Variants in RAB33A observed in about 807,000 individuals in gnomAD.
RAB33A encodes ras-related protein Rab-33A.
A neutral mutation model predicts 12.0 loss-of-function variants in RAB33A; 6 were observed. The observed-to-expected ratio is 0.50, with a 90% CI of 0.27 to 0.99. The LOEUF (loss-of-function observed/expected upper bound fraction) is 0.99. Ranked by LOEUF, RAB33A falls within the 50% of genes least tolerant of loss-of-function variation. The pLI, the probability that RAB33A is intolerant of heterozygous loss-of-function variation, is 0.11. For synonymous variants in RAB33A, 70 were observed against 82.4 expected, an observed-to-expected ratio of 0.85 and a Z score of 0.81; for missense variants, 109 against 192.0, an observed-to-expected ratio of 0.57 and a Z score of 2.55.
chrX:130,163,023 G>A, the RAB33A span, among the ~76,000 whole-genome samples: 7 of 111,703 alleles, frequency 6.3e-5, no homozygotes, highest in Non-Finnish European at 9.4e-5. Flanking sequence ...AATGGTGACA[G>A]ATGTCAACGA....
chrX:130,114,154 C>G, the RAB33A span, among the ~76,000 whole-genome samples: 3 of 111,963 alleles, frequency 2.7e-5, no homozygotes, highest in Non-Finnish European at 5.6e-5. Context: ...GAGAGGTTTT[C>G]CTTTTGGGAA....
the RAB33A span, among the ~76,000 whole-genome samples, chrX:130,159,870 GAGTGCAGT>G: frequency 9.2e-6 from 1 of 108,298 alleles, no homozygotes; most frequent in Non-Finnish European, 1.9e-5. Flanking sequence ...CCCCAAGCTG[GAGTGCAGT>G]GGCACAATCT....
chrX:130,183,503 C>T (rs112577751), intron 1 of RAB33A, among the ~76,000 whole-genome samples: 2 of 109,126 alleles, frequency 1.8e-5, no homozygotes, highest in South Asian at 4.0e-4. Flanking sequence ...TGCAGTGAGC[C>T]GAGATGGCGC....
the RAB33A span, among the ~76,000 whole-genome samples, chrX:130,148,801 C>T: frequency 1.1e-5 from 1 of 89,275 alleles, no homozygotes; most frequent in Non-Finnish European, 2.1e-5. Context: ...CCACTGCACT[C>T]CAGCCTGGGC....
the RAB33A span, among the ~76,000 whole-genome samples, chrX:130,155,794 C>T: frequency 9.0e-6 from 1 of 111,724 alleles, no homozygotes. Context: ...GTAAACCCTG[C>T]CAAGTTAGGA....
At chrX:130,148,450 G>C in the RAB33A span, among the ~76,000 whole-genome samples, 119 of 111,934 alleles carry the variant, frequency 1.1e-3, 4 homozygotes, top group East Asian at 0.02. Context: ...TAGGGTATGT[G>C]CTTTAGGAAA....
At chrX:130,148,598 C>T in the RAB33A span, among the ~76,000 whole-genome samples, 7 of 110,700 alleles carry the variant, frequency 6.3e-5, no homozygotes, top group East Asian at 2.0e-3. Flanking sequence ...CTTTGGGAGG[C>T]CGAAGCAGGC....
chrX:130,171,053 G>A (rs2031599493), upstream of RAB33A, among the ~76,000 whole-genome samples: 1 of 113,239 alleles, frequency 8.8e-6, no homozygotes, highest in East Asian at 2.8e-4. Context: ...AACATTCAGA[G>A]GATGGGTGCG....
chrX:130,165,933 C>A, the RAB33A span: 4 of 389,853 alleles, frequency 1.0e-5, no homozygotes, highest in African/African-American at 2.5e-5. Context: ...CACTAGCTGG[C>A]CGCAAGCTCG....
the RAB33A span, among the ~76,000 whole-genome samples, chrX:130,123,045 A>C: frequency 8.9e-6 from 1 of 111,949 alleles, no homozygotes. Flanking sequence ...CAGCAGAGGC[A>C]TGGGGAGATG....
chrX:130,140,424 A>G, the RAB33A span: 12 of 649,355 alleles, frequency 1.8e-5, no homozygotes, highest in Middle Eastern at 3.0e-4. Context: ...CACTTCAGAG[A>G]GTCTGGGTTT....
the RAB33A span, among the ~76,000 whole-genome samples, chrX:130,151,486 G>C: frequency 2.4e-4 from 27 of 111,562 alleles, no homozygotes; most frequent in Admixed American, 2.3e-3. Flanking sequence ...TTCCAGAACA[G>C]CCCATCAGGC....
chrX:130,132,997 G>A, the RAB33A span, among the ~76,000 whole-genome samples: 1 of 111,044 alleles, frequency 9.0e-6, no homozygotes, highest in Non-Finnish European at 1.9e-5. Context: ...CGCCCACCTC[G>A]GCCTCTGACC....
chrX:130,166,887 A>G, the RAB33A span, among the ~76,000 whole-genome samples: 1 of 112,244 alleles, frequency 8.9e-6, no homozygotes, highest in African/African-American at 3.2e-5. Flanking sequence ...AGGGTATTAA[A>G]TGCAGTTTCG....
At chrX:130,145,902 C>T in the RAB33A span, among the ~76,000 whole-genome samples, 1 of 111,520 alleles carries the variant, frequency 9.0e-6, no homozygotes, top group Non-Finnish European at 1.9e-5. Flanking sequence ...GACAGCTCCC[C>T]ACCCCCAGCA....
chrX:130,172,224 C>T lies in RAB33A; in HGVS notation c.162C>T (p.Phe54=). 1 of 1,212,306 alleles carries T rather than the reference C, an allele frequency of 8.2e-7. No individual in the cohort carries two copies. Among genetic ancestry groups the T allele is most frequent in the Non-Finnish European group, 1.1e-6 (1 of 895,584 alleles). The change falls in exon 1 of 2, where the codon TTC becomes TTT. Residue 54 remains phenylalanine (F), a synonymous_variant. Coordinates refer to ENST00000257017, the MANE Select transcript of RAB33A (RefSeq NM_004794.3). ...ACGTGGGCAAGACCTGCCTGACCTT[C>T]CGCTTCTGCGGGGGTACCTTCCCAG... The part of the protein sequence containing the change: ...DSNVGKTCLT[F]RFCGGTFPDK...
At chrX:130,130,190 T>G in the RAB33A span, 1 of 1,208,369 alleles carries the variant, frequency 8.3e-7, no homozygotes, top group Non-Finnish European at 1.1e-6. Flanking sequence ...CCAAAACAAA[T>G]AAACATGGAA....
chrX:130,183,035 G>T lies in RAB33A; in HGVS notation c.259-1250G>T, dbSNP rs2031748597. Among the ~76,000 whole-genome samples, 3 of 107,697 alleles carry T rather than the reference G, an allele frequency of 2.8e-5. No homozygotes were observed. The South Asian group carries it at 1.3e-3, about 47-fold the overall frequency. The allele number at this position is 107,697 out of a possible 115,157, so 93.5% of individuals were successfully genotyped here. A position where few individuals can be genotyped will look rare whatever the true frequency, so the allele number is the denominator to read the frequency against. On this transcript the variant is annotated intron_variant, in intron 1 of 1. Coordinates refer to ENST00000257017, the MANE Select transcript of RAB33A (RefSeq NM_004794.3). ...TTCTTGTGTCTCAGCCTCCCGAGTA[G>T]CTGGGACTATAGGTACACACCACCA...
the RAB33A span, among the ~76,000 whole-genome samples, chrX:130,124,762 A>G: frequency 1.4e-4 from 16 of 112,458 alleles, no homozygotes; most frequent in African/African-American, 4.8e-4. Flanking sequence ...GCGCTAGAAA[A>G]GACTTAGAGG....
Sources: gnomAD v4.1 joint callset for allele counts (sites outside exome capture counted in the v4.1 genomes callset) on GRCh38, gnomAD v4.1.1 for gene constraint, MANE v1.5 for transcripts, NCBI Gene and HGNC (gene_info 2026-07-23, HGNC 2026-07-21) for gene names.